The following ZNF148 variants were observed in gnomAD, a reference collection of about 807,000 sequenced individuals.
ZNF148 encodes the protein Beta-Enolase Repressor Factor-1.
ZNF148 carries 7 observed loss-of-function variants against 67.7 expected under a neutral mutation model. The ratio of observed to expected loss-of-function variants is 0.10; its 90% CI spans 0.06 to 0.19. The LOEUF is 0.19. ZNF148 is among the 10% of genes least tolerant of loss of function. The probability of loss-of-function intolerance (pLI) is 1.00; values close to 1 mark genes in which losing one functional copy is unlikely to be tolerated. For missense variants in ZNF148, 583 were observed against 947.1 expected, an observed-to-expected ratio of 0.62 and a Z score of 5.05; for synonymous variants, 333 against 330.7, an observed-to-expected ratio of 1.01 and a Z score of -0.08.
rs576143686 is a variant in ZNF148, at chr3:125,279,972, C to G, written c.460-725G>C. On this transcript the variant is annotated intron_variant, in intron 5 of 8. Coordinates refer to ENST00000360647, the MANE Select transcript of ZNF148 (RefSeq NM_021964.3). ...TGTCCACTTAACACATTTTTTTGAACCATGTAAGTGGTTACCTATTACTAA... is the reference window on the plus strand; with the variant it reads ...TGTCCACTTAACACATTTTTTTGAAGCATGTAAGTGGTTACCTATTACTAA... Among the ~76,000 whole-genome samples, 100 of 151,526 alleles carry G rather than the reference C, an allele frequency of 6.6e-4. 1 individual carries two copies. Among genetic ancestry groups the G allele is most frequent in the South Asian group, 1.0e-3 (5 of 4,804 alleles).
At chr3:125,236,095 A>AT (rs1188580254) in intron 7 of ZNF148, among the ~76,000 whole-genome samples, 6 of 54,328 alleles carry the variant, frequency 1.1e-4, no homozygotes, top group Non-Finnish European at 1.8e-4. Flanking sequence ...AACTTAAAGT[A>AT]TTAAAAAAAA....
In ZNF148 at chr3:125,272,629, T is replaced by G. The variant is rs567093563; in HGVS notation, c.667+5097A>C. 2.7e-4 allele frequency among the ~76,000 whole-genome samples: 16 copies of G among 59,460 alleles called. No homozygotes were observed. The East Asian group carries it at 3.9e-3, about 15-fold the overall frequency. 39.0% of individuals were successfully genotyped at this position (59,460 alleles called of 152,430 possible). On this transcript the variant is annotated intron_variant, in intron 7 of 8. Coordinates refer to ENST00000360647, the MANE Select transcript of ZNF148 (RefSeq NM_021964.3). Reference sequence around the variant, plus strand: ...TTATATATATCAGGTTTTTATCAATTTATATATTTAATTACACCATACTTT... The same window carrying G: ...TTATATATATCAGGTTTTTATCAATGTATATATTTAATTACACCATACTTT...
chr3:125,337,058 T>C (rs1941530147), intron 1 of ZNF148, among the ~76,000 whole-genome samples: 3 of 151,590 alleles, frequency 2.0e-5, no homozygotes. Context: ...TTTAAAACTT[T>C]GTAATTAGTG....
intron 7 of ZNF148, 27 bp downstream of exon 7, chr3:125,277,699 A>C (rs1480955647): frequency 4.5e-6 from 7 of 1,572,648 alleles, no homozygotes; most frequent in Non-Finnish European, 5.2e-6. Context: ...CATTTTAATG[A>C]ACCTAGTAAG....
At chr3:125,310,814 T>C (rs1054966895) in intron 4 of ZNF148, 3 of 160,746 alleles carry the variant, frequency 1.9e-5, no homozygotes, top group African/African-American at 7.1e-5. Context: ...AATGTCAATA[T>C]AGTTTGCACT....
intron 7 of ZNF148, among the ~76,000 whole-genome samples, chr3:125,272,600 AT>A (rs1478273223): frequency 6.8e-6 from 1 of 147,180 alleles, no homozygotes; most frequent in African/African-American, 2.6e-5. Flanking sequence ...ATGGTTTAAT[AT>A]TTTTATATAT....
At chr3:125,298,332 G>A (rs932437666) in intron 4 of ZNF148, among the ~76,000 whole-genome samples, 3 of 72,860 alleles carry the variant, frequency 4.1e-5, no homozygotes, top group African/African-American at 6.4e-5. Flanking sequence ...CTAGAGCAAT[G>A]TTATAAATGT....
At chr3:125,243,167 G>A (rs545527708) in intron 7 of ZNF148, among the ~76,000 whole-genome samples, 12 of 152,238 alleles carry the variant, frequency 7.9e-5, no homozygotes, top group South Asian at 4.2e-4. Flanking sequence ...TGTATCCTCC[G>A]TAGTGCTTTG....
chr3:125,233,106 T>A lies in ZNF148; in HGVS notation c.1620A>T (p.Val540=), dbSNP rs757619946. 6.2e-7 allele frequency: 1 copy of A among 1,613,664 alleles called. No homozygotes were observed. The highest frequency in any genetic ancestry group is 1.3e-5 in the African/African-American group (1 of 74,910). ...AATAATGATCCAACAGAGTCTGCAGTACCTCATCTGGAATAACATTTTTGT... is the reference window on the plus strand; with the variant it reads ...AATAATGATCCAACAGAGTCTGCAGAACCTCATCTGGAATAACATTTTTGT... The part of the protein sequence containing the change: ...NHDKNVIPDE[V]LQTLLDHYSH... Residue 540 remains valine (V), a synonymous_variant, in exon 9 of 9, where the codon GTA becomes GTT. Transcript: ENST00000360647. The surrounding 1 kb of genome is among the most constrained non-coding windows in gnomAD (Gnocchi z 5.1).
intron 4 of ZNF148, among the ~76,000 whole-genome samples, chr3:125,301,284 G>A (rs1357863312): frequency 6.6e-6 from 1 of 152,206 alleles, no homozygotes; most frequent in Non-Finnish European, 1.5e-5. Context: ...TTTGAGGCCA[G>A]GAGTTTGAGA....
intron 1 of ZNF148, among the ~76,000 whole-genome samples, chr3:125,352,125 C>CA (rs35674201): frequency 3.6e-3 from 442 of 124,438 alleles, no homozygotes; most frequent in Middle Eastern, 8.8e-3. Context: ...TCACAATGGC[C>CA]AAAAAAAAAA....
At chr3:125,296,246 G>T (rs9839414) in intron 4 of ZNF148, among the ~76,000 whole-genome samples, 1 of 151,852 alleles carries the variant, frequency 6.6e-6, no homozygotes, top group African/African-American at 2.4e-5. Context: ...CTCAGCCTTT[G>T]GAGTAGCTGG....
At chr3:125,355,150 T>C (rs993426127) in intron 1 of ZNF148, among the ~76,000 whole-genome samples, 6 of 152,216 alleles carry the variant, frequency 3.9e-5, no homozygotes, top group African/African-American at 1.4e-4. Context: ...TTCTAATATA[T>C]ACTTCATAAC....
intron 7 of ZNF148, among the ~76,000 whole-genome samples, chr3:125,242,104 T>C (rs1936391427): frequency 6.6e-6 from 1 of 152,216 alleles, no homozygotes; most frequent in Admixed American, 6.5e-5. Flanking sequence ...CTTTTGTCTA[T>C]AATGAGTTTC....
rs1252168060 is a variant in ZNF148 at position 125,362,567 on chromosome 3, T to TG, written c.-234+12534_-234+12535insC. On this transcript the variant is annotated intron_variant, in intron 1 of 8. Transcript: ENST00000360647. ...CTTTTTTTGTTTTTGTTTTTGTTTT[T>TG]TTTTTGAGACGGGCTCTTACTCTGT... Among the ~76,000 whole-genome samples the TG allele has an allele frequency of 6.6e-5, 10 of 151,882 alleles. 2 individuals carry two copies. The highest frequency in any genetic ancestry group is 2.9e-5 in the Non-Finnish European group (2 of 67,882).
At chr3:125,321,722 TG>T (rs1276335154) in intron 3 of ZNF148, among the ~76,000 whole-genome samples, 2 of 152,146 alleles carry the variant, frequency 1.3e-5, no homozygotes, top group African/African-American at 4.8e-5. Context: ...GACATTCTGT[TG>T]GATCTAGTCA....
At chr3:125,236,097 T>TA (rs34772918) in intron 7 of ZNF148, among the ~76,000 whole-genome samples, 118,447 of 150,428 alleles carry the variant, frequency 0.79, 47,409 homozygotes, top group African/African-American at 0.91. Context: ...CTTAAAGTAT[T>TA]AAAAAAAAAG....
chr3:125,233,271 C>G lies in ZNF148; in HGVS notation c.1455G>C (p.Arg485Ser). ...RYLQAASNNSREYALNVGTIA... is the reference protein window; with the variant it reads ...RYLQAASNNSSEYALNVGTIA... ...TGGTACCCACATTCAGCGCATATTC[C>G]CTGCTGTTGTTACTTGCTGCTTGAA... Residue 485 changes from arginine (R) to serine (S), a missense_variant, in exon 9 of 9, where the codon AGG becomes AGC. Around this residue, in one of 5 missense-constraint regions of ZNF148, gnomAD observed 172 missense variants for 307.7 expected, o/e 0.56. Transcript: ENST00000360647. The surrounding 1 kb of genome is among the most constrained non-coding windows in gnomAD (Gnocchi z 5.1). 6.2e-7 allele frequency: 1 copy of G among 1,613,824 alleles called. No individual in the cohort carries two copies. The highest frequency in any genetic ancestry group is 8.5e-7 in the Non-Finnish European group (1 of 1,179,898).
intron 4 of ZNF148, among the ~76,000 whole-genome samples, chr3:125,293,470 A>G (rs571959974): frequency 6.6e-6 from 1 of 152,352 alleles, no homozygotes; most frequent in South Asian, 2.1e-4. Context: ...CAAACAAAAA[A>G]GAACCAGAGT....
Sources: allele counts gnomAD v4.1 joint callset (sites outside exome capture counted in the v4.1 genomes callset), GRCh38; gene constraint gnomAD v4.1.1; regional missense constraint gnomAD v4.1.1; non-coding constraint Gnocchi (gnomAD v3.1); transcripts MANE v1.5; gene names NCBI Gene and HGNC (gene_info 2026-07-23, HGNC 2026-07-21).